Variants in MOK observed in about 807,000 individuals in gnomAD.
The protein encoded by MOK is MOK protein kinase.
In MOK, 59 loss-of-function variants were observed where a neutral mutation model predicts 54.2. That is an observed-to-expected ratio of 1.09 (90% CI 0.88 to 1.35). The LOEUF (loss-of-function observed/expected upper bound fraction) is 1.35, where lower values mean the gene tolerates loss of function less well. Among genes scored for constraint, MOK ranks in the 40% most tolerant of loss-of-function variants. The pLI is 0.00. For missense variants in MOK, 517 were observed against 526.2 expected, an observed-to-expected ratio of 0.98 and a Z score of 0.17; for synonymous variants, 210 against 202.7, an observed-to-expected ratio of 1.04 and a Z score of -0.31.
chr14:102,215,187 G>A, the MOK span, among the ~76,000 whole-genome samples: 6 of 152,322 alleles, frequency 3.9e-5, no homozygotes, highest in East Asian at 7.7e-4. Context: ...CAGCGTACTC[G>A]ATGAAATGTT....
At chr14:102,266,722 A>C (rs1166266839) in intron 2 of MOK, among the ~76,000 whole-genome samples, 1 of 152,032 alleles carries the variant, frequency 6.6e-6, no homozygotes, top group African/African-American at 2.4e-5. Context: ...AGGTGGGATT[A>C]TAGGCACCCG....
At chr14:102,303,246 A>T (rs1415252312) in intron 1 of MOK, among the ~76,000 whole-genome samples, 2 of 151,992 alleles carry the variant, frequency 1.3e-5, no homozygotes, top group African/African-American at 4.8e-5. Flanking sequence ...CAACGAACTG[A>T]CATCAGGCAC....
intron 1 of MOK, 101 bp downstream of exon 1, chr14:102,304,861 G>GC (rs2072611400): frequency 7.4e-7 from 1 of 1,355,142 alleles, no homozygotes; most frequent in African/African-American, 1.4e-5. Context: ...AGGCGACGAC[G>GC]CCCGGCCCCA....
Position 102,289,460 on chromosome 14 carries a change from T to A in MOK, c.8-5868A>T, listed in dbSNP as rs547543206. Among the ~76,000 whole-genome samples the A allele has an allele frequency of 1.4e-4, 21 of 152,270 alleles. 1 individual carries two copies. Among genetic ancestry groups the A allele is most frequent in the African/African-American group, 5.1e-4 (21 of 41,564 alleles). On this transcript the variant is annotated intron_variant, in intron 1 of 11. Transcript: ENST00000361847. Reference sequence around the variant, plus strand: ...GTTCCTAAGAGGGCCAATTCCCTCCTGCTCTCGGGTTTTCCTATTTTTAAG... The same window carrying A: ...GTTCCTAAGAGGGCCAATTCCCTCCAGCTCTCGGGTTTTCCTATTTTTAAG...
downstream of MOK, chr14:102,226,180 G>C: frequency 1.7e-6 from 1 of 602,522 alleles, no homozygotes; most frequent in Admixed American, 2.9e-5. The surrounding 1 kb of genome is among the most constrained non-coding windows in gnomAD (Gnocchi z 4.8). Flanking sequence ...GCTTCTCCCT[G>C]CAAGGCCTGC....
At chr14:102,303,653 T>C (rs1359877486) in intron 1 of MOK, among the ~76,000 whole-genome samples, 1 of 152,260 alleles carries the variant, frequency 6.6e-6, no homozygotes, top group Non-Finnish European at 1.5e-5. Context: ...AAATGTGTTA[T>C]TTGTACTGTG....
rs1193301343 is a variant in MOK, at chr14:102,231,121, C to T, written c.981+586G>A. The T allele has an allele frequency of 1.3e-5, 2 of 152,310 alleles. No individual in the cohort carries two copies. Among genetic ancestry groups the T allele is most frequent in the African/African-American group, 2.4e-5 (1 of 41,446 alleles). The allele number at this position is 152,310 out of a possible 1,614,324, so 9.4% of individuals were successfully genotyped here. On this transcript the variant is annotated intron_variant, in intron 10 of 11. Coordinates refer to ENST00000361847, the MANE Select transcript of MOK (RefSeq NM_014226.3). The surrounding 1 kb of genome is among the most constrained non-coding windows in gnomAD (Gnocchi z 4.4). Reference sequence around the variant, plus strand: ...CCAGAACTGGGAGACTGGTGTGACCCTGCCAGCAGGTGACACAGGGCTGCA... The same window carrying T: ...CCAGAACTGGGAGACTGGTGTGACCTTGCCAGCAGGTGACACAGGGCTGCA...
At chr14:102,251,731 C>A in intron 6 of MOK, 25 bp downstream of exon 6, 1 of 1,534,896 alleles carries the variant, frequency 6.5e-7, no homozygotes, top group South Asian at 1.1e-5. Flanking sequence ...ATTCTGATAC[C>A]CAGCTTTCAT....
downstream of MOK, among the ~76,000 whole-genome samples, chr14:102,224,080 T>G (rs201302994): frequency 2.0e-5 from 3 of 149,976 alleles, no homozygotes; most frequent in African/African-American, 5.0e-5. Flanking sequence ...CTCCCTCTGT[T>G]GTCCAGGCTG....
chr14:102,292,987 C>T (rs1030903220), intron 1 of MOK, among the ~76,000 whole-genome samples: 7 of 151,856 alleles, frequency 4.6e-5, no homozygotes, highest in African/African-American at 1.7e-4. Flanking sequence ...TACAAAAATT[C>T]GCCAGGAGGG....
At position 102,273,421 on chromosome 14, in the gene MOK, C is replaced by G. The variant is rs192935181; in HGVS notation, c.123-7509G>C. Among the ~76,000 whole-genome samples, 69 of 151,902 alleles carry G rather than the reference C, an allele frequency of 4.5e-4. 1 individual carries two copies. Among genetic ancestry groups the G allele is most frequent in the African/African-American group, 1.6e-3 (67 of 41,406 alleles). Reference sequence around the variant, plus strand: ...ATCCTTTTATAATAATGTTATAAAACATAAAACACTTAGATATAAATTTAA... The same window carrying G: ...ATCCTTTTATAATAATGTTATAAAAGATAAAACACTTAGATATAAATTTAA... On this transcript the variant is annotated intron_variant, in intron 2 of 11. Transcript: ENST00000361847.
the MOK span, among the ~76,000 whole-genome samples, chr14:102,216,895 T>C: frequency 2.0e-5 from 3 of 150,710 alleles, no homozygotes; most frequent in African/African-American, 7.5e-5. Flanking sequence ...ATGGCGCCAC[T>C]GCACTCCAGC....
chr14:102,245,271 T>C lies in MOK; in HGVS notation c.590+5541A>G, dbSNP rs567579373. On this transcript the variant is annotated intron_variant, in intron 7 of 11. Coordinates refer to ENST00000361847, the MANE Select transcript of MOK (RefSeq NM_014226.3). This position sits in a 1 kb window ranked among gnomAD's most constrained non-coding sequence, Gnocchi z 4.3. Reference sequence around the variant, plus strand: ...CCACTCCAGGTTCCCACGCCACCCCTAATCCCACTCGAAGCAGCCCTGAGA... The same window carrying C: ...CCACTCCAGGTTCCCACGCCACCCCCAATCCCACTCGAAGCAGCCCTGAGA... Among the ~76,000 whole-genome samples, 65 of 152,158 alleles carry C rather than the reference T, an allele frequency of 4.3e-4. No individual in the cohort carries two copies. The highest frequency in any genetic ancestry group is 1.2e-3 in the Admixed American group (18 of 15,280).
intron 7 of MOK, among the ~76,000 whole-genome samples, chr14:102,242,838 C>A (rs1277459513): frequency 6.6e-6 from 1 of 152,080 alleles, no homozygotes; most frequent in African/African-American, 2.4e-5. Flanking sequence ...CCTCCACAAC[C>A]CCTCCACAAC....
At position 102,235,439 on chromosome 14, in the gene MOK, A is replaced by G. The variant is rs1037688402; in HGVS notation, c.591-1650T>C. ...AAGGAAAGAGTGTGGCTTGCAGCCCAGGCCCATGCCGATGACCTCCATCGG... is the reference window on the plus strand; with the variant it reads ...AAGGAAAGAGTGTGGCTTGCAGCCCGGGCCCATGCCGATGACCTCCATCGG... On this transcript the variant is annotated intron_variant, in intron 7 of 11. Transcript: ENST00000361847. This position sits in a 1 kb window ranked among gnomAD's most constrained non-coding sequence, Gnocchi z 4.4. 6.6e-6 allele frequency: 1 copy of G among 152,186 alleles called. No homozygotes were observed. Among genetic ancestry groups the G allele is most frequent in the Non-Finnish European group, 1.5e-5 (1 of 68,038 alleles). The allele number at this position is 152,186 out of a possible 1,614,324, so 9.4% of individuals were successfully genotyped here.
the MOK span, among the ~76,000 whole-genome samples, chr14:102,218,268 C>T: frequency 2.6e-5 from 4 of 152,208 alleles, no homozygotes; most frequent in South Asian, 2.1e-4. Flanking sequence ...GATGAGCTGG[C>T]GCCCAGCCCA....
chr14:102,232,416 G>C lies in MOK; in HGVS notation c.866+119C>G, dbSNP rs1419582639. On this transcript the variant is annotated intron_variant, in intron 9 of 11. Transcript: ENST00000361847. This position sits in a 1 kb window ranked among gnomAD's most constrained non-coding sequence, Gnocchi z 5.1. ...GGCCCTGACCACTCTTCAGGATAGA[G>C]AGCGCGATTCCCAAGAACCAGGGAC... is the stretch of plus-strand genomic sequence containing the variant. 3.3e-6 allele frequency: 4 copies of C among 1,219,856 alleles called. No homozygotes were observed. Among genetic ancestry groups the C allele is most frequent in the South Asian group, 1.6e-5 (1 of 62,742 alleles). 75.6% of individuals were successfully genotyped at this position (1,219,856 alleles called of 1,614,324 possible). A position where few individuals can be genotyped will look rare whatever the true frequency, so the allele number is the denominator to read the frequency against.
chr14:102,247,955 G>A (rs942206010), intron 7 of MOK, among the ~76,000 whole-genome samples: 12 of 152,090 alleles, frequency 7.9e-5, no homozygotes, highest in Admixed American at 1.3e-4. Flanking sequence ...TGTCTCCTAC[G>A]CCTTCTCACT....
At chr14:102,243,541 T>A (rs1002319150) in intron 7 of MOK, among the ~76,000 whole-genome samples, 1 of 151,594 alleles carries the variant, frequency 6.6e-6, no homozygotes, top group Non-Finnish European at 1.5e-5. Context: ...CTCAACTCAC[T>A]CTCTACAGCC....
Sources: allele counts gnomAD v4.1 joint callset (sites outside exome capture counted in the v4.1 genomes callset), GRCh38; gene constraint gnomAD v4.1.1; non-coding constraint Gnocchi (gnomAD v3.1); transcripts MANE v1.5; gene names NCBI Gene and HGNC (gene_info 2026-07-23, HGNC 2026-07-21).